The following MTUS1 variants were observed in gnomAD, a reference collection of about 807,000 sequenced individuals.
The protein encoded by MTUS1 is microtubule associated scaffold protein 1, also known as microtubule-associated tumor suppressor 1.
MTUS1 carries 109 observed loss-of-function variants against 120.8 expected under a neutral mutation model. The ratio of observed to expected loss-of-function variants is 0.90; its 90% CI spans 0.77 to 1.06. The LOEUF is 1.06. Among genes scored for constraint, MTUS1 ranks in the 50% least tolerant of loss-of-function variants. The probability of loss-of-function intolerance (pLI) is 0.00; values close to 1 mark genes in which losing one functional copy is unlikely to be tolerated. For missense variants in MTUS1, 2,210 were observed against 1,486.3 expected, an observed-to-expected ratio of 1.49 and a Z score of -8.01; for synonymous variants, 737 against 550.5, an observed-to-expected ratio of 1.34 and a Z score of -4.74.
chr8:17,693,216 C>T (rs1025541041), intron 6 of MTUS1: 1 of 152,066 alleles, frequency 6.6e-6, no homozygotes, highest in Non-Finnish European at 1.5e-5. Context: ...CGAAATAGAC[C>T]GAGTTTAATA....
In MTUS1 at chr8:17,754,512, G is replaced by C. The variant is rs1177732331; in HGVS notation, c.1296C>G (p.Val432=). 6.2e-7 allele frequency: 1 copy of C among 1,614,150 alleles called. No homozygotes were observed. Among genetic ancestry groups the C allele is most frequent in the East Asian group, 2.2e-5 (1 of 44,870 alleles). Residue 432 remains valine (V), a synonymous_variant, in exon 2 of 15, where the codon GTC becomes GTG. Coordinates refer to ENST00000693296, the MANE Select transcript of MTUS1 (RefSeq NM_001363059.2). ...TDKTMCMSTP[V]LEPTKVTFSV... is the part of the protein sequence containing the mutation. Reference sequence around the variant, plus strand: ...AAAAGGTTACTTTTGTGGGTTCTAGGACTGGTGTTGACATGCACATCGTTT... The same window carrying C: ...AAAAGGTTACTTTTGTGGGTTCTAGCACTGGTGTTGACATGCACATCGTTT...
chr8:17,789,695 T>C (rs1006460730), intron 1 of MTUS1, among the ~76,000 whole-genome samples: 2 of 152,230 alleles, frequency 1.3e-5, no homozygotes, highest in Non-Finnish European at 2.9e-5. Flanking sequence ...TGATTACCTA[T>C]GTTAGGCTTT....
At chr8:17,697,475 T>C in intron 6 of MTUS1, 3 of 1,485,258 alleles carry the variant, frequency 2.0e-6, no homozygotes, top group Non-Finnish European at 2.7e-6. Flanking sequence ...GGCCAAGAAA[T>C]ACAGTCAGAG....
chr8:17,677,955 T>C (rs1813461818), intron 7 of MTUS1, among the ~76,000 whole-genome samples: 1 of 152,190 alleles, frequency 6.6e-6, no homozygotes, highest in Admixed American at 6.5e-5. Flanking sequence ...GGTCCCTGCC[T>C]TCAAGAAGCA....
Position 17,684,470 on chromosome 8 carries a change from G to C in MTUS1, c.2696C>G (p.Pro899Arg). Residue 899 changes from proline to arginine, a missense_variant, in exon 7 of 15, where the codon CCT becomes CGT. Physicochemically the swap from Pro to Arg is moderately radical, Grantham distance 103 (BLOSUM62 -2). Transcript: ENST00000693296. Reference protein sequence around the residue: ...QPQTAPDALPPEKTLELTQYK... With the variant: ...QPQTAPDALPREKTLELTQYK... The stretch of plus-strand genomic sequence containing the variant: ...TTGCGTCAATTCAAGTGTTTTCTCA[G>C]GGGGCAGCGCATCGGGAGCTGTCTG... The C allele has an allele frequency of 1.9e-6, 3 of 1,614,138 alleles. No homozygotes were observed. Among genetic ancestry groups the C allele is most frequent in the Non-Finnish European group, 2.5e-6 (3 of 1,179,996 alleles).
At chr8:17,654,903 A>G (rs1807872626) in intron 9 of MTUS1, 2 of 535,400 alleles carry the variant, frequency 3.7e-6, no homozygotes, top group Admixed American at 3.2e-5. Context: ...AGCCTGGGCA[A>G]TGTCGCGAGA....
At chr8:17,796,234 C>T (rs1041279510) in intron 1 of MTUS1, among the ~76,000 whole-genome samples, 2 of 250 alleles carry the variant, frequency 8.0e-3, no homozygotes, top group Non-Finnish European at 0.02. Flanking sequence ...TACAATGAGC[C>T]ACCACGCCCA....
chr8:17,658,199 G>A (rs1256806305), intron 8 of MTUS1, among the ~76,000 whole-genome samples: 2 of 152,036 alleles, frequency 1.3e-5, no homozygotes, highest in East Asian at 3.9e-4. Flanking sequence ...ACCACGACCA[G>A]CTAATTTTTG....
At chr8:17,683,233 C>G (rs997314900) in intron 7 of MTUS1, among the ~76,000 whole-genome samples, 4 of 152,140 alleles carry the variant, frequency 2.6e-5, no homozygotes, top group African/African-American at 9.7e-5. Flanking sequence ...GATGGCGCCA[C>G]TGCACTCCAG....
At chr8:17,666,085 A>C (rs954483882) in intron 8 of MTUS1, among the ~76,000 whole-genome samples, 3 of 130,848 alleles carry the variant, frequency 2.3e-5, no homozygotes, top group African/African-American at 8.5e-5. Flanking sequence ...GCTGCAGAAC[A>C]GATGCTTTTT....
intron 3 of MTUS1, among the ~76,000 whole-genome samples, chr8:17,742,442 C>G (rs758871199): frequency 1.3e-5 from 2 of 151,916 alleles, no homozygotes; most frequent in Non-Finnish European, 2.9e-5. Flanking sequence ...CTCACTCATG[C>G]CTTGACTCCC....
At chr8:17,800,031 C>G (rs2052554798) in intron 1 of MTUS1, among the ~76,000 whole-genome samples, 1 of 152,132 alleles carries the variant, frequency 6.6e-6, no homozygotes, top group Non-Finnish European at 1.5e-5. Flanking sequence ...ATTTCCTGCC[C>G]TAACCATCCC....
Position 17,644,152 on chromosome 8 carries a change from G to T in MTUS1, c.*1774C>A. On this transcript the variant is annotated 3_prime_UTR_variant, in exon 15 of 15. Transcript: ENST00000693296. ...GTCATTGAGAACAACTTGGAAGCGT[G>T]AGCAGAGATATCTCATGAAGTGGCA... 6.6e-6 allele frequency: 1 copy of T among 152,202 alleles called. No individual in the cohort carries two copies. Among genetic ancestry groups the T allele is most frequent in the East Asian group, 1.9e-4 (1 of 5,200 alleles). The allele number at this position is 152,202 out of a possible 1,614,324, so 9.4% of individuals were successfully genotyped here. A position where few individuals can be genotyped will look rare whatever the true frequency, so the allele number is the denominator to read the frequency against.
intron 2 of MTUS1, among the ~76,000 whole-genome samples, chr8:17,749,116 A>G (rs2047991694): frequency 2.6e-5 from 4 of 152,168 alleles, no homozygotes; most frequent in Non-Finnish European, 4.4e-5. Flanking sequence ...GTCAGACATA[A>G]TTATACTCTC....
At chr8:17,685,632 C>A (rs879648290) in intron 6 of MTUS1, among the ~76,000 whole-genome samples, 6 of 152,120 alleles carry the variant, frequency 3.9e-5, no homozygotes, top group Non-Finnish European at 7.4e-5. Flanking sequence ...CTTAAAGAAA[C>A]ATCAGTACTC....
chr8:17,770,211 T>C (rs940768135), intron 1 of MTUS1, among the ~76,000 whole-genome samples: 1 of 152,188 alleles, frequency 6.6e-6, no homozygotes, highest in African/African-American at 2.4e-5. Context: ...CATAAGGGGA[T>C]ACTCACTTTT....
chr8:17,741,669 C>G (rs985231136), intron 3 of MTUS1, among the ~76,000 whole-genome samples: 2 of 152,176 alleles, frequency 1.3e-5, no homozygotes, highest in Non-Finnish European at 2.9e-5. Flanking sequence ...TAAAAGGATT[C>G]TATCTTTTTC....
At chr8:17,682,517 CAA>C (rs55901871) in intron 7 of MTUS1, among the ~76,000 whole-genome samples, 8 of 114,972 alleles carry the variant, frequency 7.0e-5, no homozygotes, top group Admixed American at 9.2e-5. Flanking sequence ...GACTCCATCC[CAA>C]AAAAAAAAAA....
intron 2 of MTUS1, among the ~76,000 whole-genome samples, chr8:17,744,444 C>G (rs138987995): frequency 3.9e-5 from 6 of 151,932 alleles, no homozygotes; most frequent in Admixed American, 6.6e-5. Flanking sequence ...TTTTTTGACA[C>G]GGAGTCTCCT....
Sources: gnomAD v4.1 joint callset for allele counts (sites outside exome capture counted in the v4.1 genomes callset) on GRCh38, gnomAD v4.1.1 for gene constraint, MANE v1.5 for transcripts, NCBI Gene and HGNC (gene_info 2026-07-23, HGNC 2026-07-21) for gene names.